Variants in CDH4 observed in about 807,000 individuals in gnomAD.
CDH4 encodes the protein cadherin 4, also known as cadherin-4.
In CDH4, 33 loss-of-function variants were observed where a neutral mutation model predicts 86.0. The observed-to-expected ratio is 0.38, with a 90% CI of 0.29 to 0.51. CDH4 has a LOEUF of 0.51. Ranked by LOEUF, CDH4 falls within the 20% of genes least tolerant of loss-of-function variation. The pLI is 0.86. For missense variants in CDH4, 1,114 were observed against 1,307.4 expected, an observed-to-expected ratio of 0.85 and a Z score of 2.28; for synonymous variants, 555 against 549.4, an observed-to-expected ratio of 1.01 and a Z score of -0.14.
chr20:61,531,705 C>CGGT (rs749496479), intron 2 of CDH4, among the ~76,000 whole-genome samples: 10 of 152,152 alleles, frequency 6.6e-5, no homozygotes, highest in African/African-American at 2.2e-4. Flanking sequence ...GGATGCAGCA[C>CGGT]GGTGGAGCCC....
At chr20:61,633,638 G>C (rs2086917530) in intron 2 of CDH4, among the ~76,000 whole-genome samples, 1 of 152,198 alleles carries the variant, frequency 6.6e-6, no homozygotes, top group African/African-American at 2.4e-5. Flanking sequence ...TAAAAAGCAT[G>C]GTTTCTGGCA....
intron 8 of CDH4, 149 bp from the exon 9 acceptor site, chr20:61,910,270 ACGG>A (rs1234317384): frequency 7.5e-6 from 5 of 668,480 alleles, no homozygotes; most frequent in Middle Eastern, 3.7e-4. Flanking sequence ...CTGGGCTGAC[ACGG>A]TGTGTTCTGT....
At chr20:61,340,725 C>T (rs1181784215) in intron 2 of CDH4, among the ~76,000 whole-genome samples, 2 of 152,072 alleles carry the variant, frequency 1.3e-5, no homozygotes, top group Non-Finnish European at 2.9e-5. Flanking sequence ...GCTGGGACCA[C>T]AGGCACACAC....
intron 3 of CDH4, among the ~76,000 whole-genome samples, chr20:61,760,312 C>G (rs1340149041): frequency 6.6e-6 from 1 of 152,254 alleles, no homozygotes; most frequent in Non-Finnish European, 1.5e-5. Flanking sequence ...CAACTCTAAA[C>G]TTTCCCCCAG....
chr20:61,291,560 G>C (rs950386912), intron 2 of CDH4, among the ~76,000 whole-genome samples: 1 of 152,220 alleles, frequency 6.6e-6, no homozygotes, highest in African/African-American at 2.4e-5. Context: ...AGCTAAGAAT[G>C]CAAGGTGCTG....
chr20:61,540,426 C>T (rs2086031681), intron 2 of CDH4, among the ~76,000 whole-genome samples: 1 of 152,090 alleles, frequency 6.6e-6, no homozygotes, highest in Admixed American at 6.5e-5. Flanking sequence ...GGGAAGTGCC[C>T]AGATGTTGAT....
chr20:61,907,586 G>A (rs3787413), intron 8 of CDH4, among the ~76,000 whole-genome samples: 15,623 of 152,248 alleles, frequency 0.1, 1,807 homozygotes, highest in East Asian at 0.42. Context: ...TCCCACGGCG[G>A]CGCCAGCTCC....
chr20:61,779,803 G>T (rs1600979662), intron 4 of CDH4, among the ~76,000 whole-genome samples: 1 of 152,370 alleles, frequency 6.6e-6, no homozygotes, highest in South Asian at 2.1e-4. Flanking sequence ...CACGGCCAAG[G>T]TGCCGGAGAC....
chr20:61,677,085 C>T (rs576707951), intron 2 of CDH4, among the ~76,000 whole-genome samples: 3 of 152,156 alleles, frequency 2.0e-5, no homozygotes, highest in Non-Finnish European at 2.9e-5. Flanking sequence ...GAGGACCATA[C>T]CTTTTACTCC....
intron 4 of CDH4, among the ~76,000 whole-genome samples, chr20:61,793,867 G>GTA (rs1396058954): frequency 3.8e-5 from 5 of 133,266 alleles, no homozygotes; most frequent in African/African-American, 1.1e-4. Flanking sequence ...GGCCAGGTAC[G>GTA]GTGGCTCACT....
chr20:61,354,747 T>C (rs1169446643), intron 2 of CDH4, among the ~76,000 whole-genome samples: 2 of 152,236 alleles, frequency 1.3e-5, no homozygotes, highest in African/African-American at 2.4e-5. Context: ...CAGGACCTCG[T>C]TGGCTTATCG....
At chr20:61,778,652 G>C (rs1394402155) in intron 4 of CDH4, among the ~76,000 whole-genome samples, 8 of 152,060 alleles carry the variant, frequency 5.3e-5, no homozygotes, top group Non-Finnish European at 1.2e-4. Flanking sequence ...TGAGTGAGGA[G>C]GTGTACCCAC....
At chr20:61,383,479 A>AT (rs1430501234) in intron 2 of CDH4, among the ~76,000 whole-genome samples, 3 of 72,494 alleles carry the variant, frequency 4.1e-5, no homozygotes, top group African/African-American at 7.4e-5. Context: ...ATGAATATAT[A>AT]TGATATATAT....
chr20:61,910,436 C>T lies in CDH4; in HGVS notation c.1203C>T (p.Val401=). The T allele has an allele frequency of 6.2e-7, 1 of 1,613,204 alleles. No individual in the cohort carries two copies. The highest frequency in any genetic ancestry group is 8.5e-7 in the Non-Finnish European group (1 of 1,179,414). Residue 401 remains valine, a synonymous_variant, in exon 9 of 16, where the codon GTC becomes GTT. Transcript: ENST00000614565. ...EFTASTFAGE[V]PENRVETVVA... is the part of the protein sequence containing the mutation. ...CCATTTTGCAGTTTGCAGGGGAGGT[C>T]CCCGAAAACCGCGTGGAGACCGTGG...
At chr20:61,865,462 G>T (rs767009451) in intron 6 of CDH4, among the ~76,000 whole-genome samples, 3 of 151,468 alleles carry the variant, frequency 2.0e-5, no homozygotes, top group African/African-American at 7.3e-5. Flanking sequence ...TTAGTTTCCT[G>T]TACTGGTTAG....
At chr20:61,257,052 G>GCC (rs2084102577) in intron 2 of CDH4, among the ~76,000 whole-genome samples, 1 of 152,256 alleles carries the variant, frequency 6.6e-6, no homozygotes, top group African/African-American at 2.4e-5. Context: ...GAAACAGGAA[G>GCC]TGTGGTGTTT....
At chr20:61,333,331 C>A (rs960656646) in intron 2 of CDH4, among the ~76,000 whole-genome samples, 1 of 152,096 alleles carries the variant, frequency 6.6e-6, no homozygotes, top group Non-Finnish European at 1.5e-5. Context: ...TTCTCTTTTT[C>A]TGGACATTTG....
At chr20:61,641,644 C>A (rs2087011847) in intron 2 of CDH4, among the ~76,000 whole-genome samples, 1 of 149,990 alleles carries the variant, frequency 6.7e-6, no homozygotes, top group African/African-American at 2.5e-5. Context: ...GGCACCACAG[C>A]ACCCAGGACA....
rs192601237 is a variant in CDH4, at chr20:61,555,491, C to T, written c.170-188072C>T. Reference sequence around the variant, plus strand: ...CAGGGTCTCATCCTCCCAGTGCCTCCCTCACTCTCCAGCCCGGTCCATTTG... The same window carrying T: ...CAGGGTCTCATCCTCCCAGTGCCTCTCTCACTCTCCAGCCCGGTCCATTTG... On this transcript the variant is annotated intron_variant, in intron 2 of 15. Transcript: ENST00000614565. 4.0e-3 allele frequency among the ~76,000 whole-genome samples: 610 copies of T among 152,266 alleles called. 2 individuals are homozygous for T. Among genetic ancestry groups the T allele is most frequent in the South Asian group, 8.9e-3 (43 of 4,812 alleles).
Sources: allele counts gnomAD v4.1 joint callset (sites outside exome capture counted in the v4.1 genomes callset), GRCh38; gene constraint gnomAD v4.1.1; transcripts MANE v1.5; gene names NCBI Gene and HGNC (gene_info 2026-07-23, HGNC 2026-07-21).